The following TAFA1 variants were observed in gnomAD, a reference collection of about 807,000 sequenced individuals.
TAFA1 encodes TAFA chemokine like family member 1, also known as chemokine-like protein TAFA-1.
TAFA1 carries 4 observed loss-of-function variants against 18.5 expected under a neutral mutation model. The observed-to-expected ratio is 0.22, with a 90% CI of 0.11 to 0.49. The LOEUF (loss-of-function observed/expected upper bound fraction) is 0.49, where lower values mean the gene tolerates loss of function less well. Ranked by LOEUF, TAFA1 falls within the 20% of genes least tolerant of loss-of-function variation. The pLI, the probability that TAFA1 is intolerant of heterozygous loss-of-function variation, is 0.98. For synonymous variants in TAFA1, 56 were observed against 55.2 expected (o/e 1.01, Z -0.06); for missense variants, 147 against 169.0 (o/e 0.87, Z 0.72).
intron 2 of TAFA1, among the ~76,000 whole-genome samples, chr3:68,380,013 G>C (rs531328552): frequency 6.6e-6 from 1 of 151,676 alleles, no homozygotes. Flanking sequence ...GAGAACATGC[G>C]GTGTTTGGTT....
At chr3:68,195,154 G>C (rs1245768852) in intron 2 of TAFA1, among the ~76,000 whole-genome samples, 1 of 151,188 alleles carries the variant, frequency 6.6e-6, no homozygotes, top group Non-Finnish European at 1.5e-5. Context: ...GTTCTTTCAA[G>C]CCTTACTCTA....
chr3:68,444,909 A>T, intron 3 of TAFA1, among the ~76,000 whole-genome samples: 1 of 151,132 alleles, frequency 6.6e-6, no homozygotes, highest in East Asian at 1.9e-4. Flanking sequence ...ATTCCTTCTG[A>T]ATGCCACATT....
At chr3:68,528,371 T>C (rs943625642) in intron 3 of TAFA1, among the ~76,000 whole-genome samples, 1 of 152,214 alleles carries the variant, frequency 6.6e-6, no homozygotes, top group Admixed American at 6.5e-5. Flanking sequence ...CTCTATCGCA[T>C]ACCCAAGAGT....
chr3:68,210,149 C>G (rs2066577988), intron 2 of TAFA1, among the ~76,000 whole-genome samples: 1 of 151,970 alleles, frequency 6.6e-6, no homozygotes, highest in Non-Finnish European at 1.5e-5. Flanking sequence ...TTAACACCTT[C>G]CATTTGTTTT....
chr3:68,061,218 A>T (rs1348850589), intron 2 of TAFA1, among the ~76,000 whole-genome samples: 5 of 152,240 alleles, frequency 3.3e-5, no homozygotes, highest in Non-Finnish European at 1.5e-5. Flanking sequence ...TATATCAGCT[A>T]GAAGACTTTG....
chr3:68,304,864 C>T lies in TAFA1; in HGVS notation c.119-112416C>T, dbSNP rs371136023. 9.1e-4 allele frequency among the ~76,000 whole-genome samples: 138 copies of T among 152,038 alleles called. 1 individual carries two copies. The highest frequency in any genetic ancestry group is 2.5e-3 in the African/African-American group (103 of 41,504). ...TGTTTAGTTGGGTGTTTTCATTTTT[C>T]GTGTGTGTTTTAGTGGGCCAGGCAA... On this transcript the variant is annotated intron_variant, in intron 2 of 4. Transcript: ENST00000478136.
intron 2 of TAFA1, among the ~76,000 whole-genome samples, chr3:68,184,496 T>G (rs151161187): frequency 1.0e-3 from 158 of 152,264 alleles, no homozygotes; most frequent in African/African-American, 3.4e-3. Context: ...AGAGAGCTGA[T>G]TTTTATTCTC....
chr3:68,198,743 AGTTT>A, intron 2 of TAFA1, among the ~76,000 whole-genome samples: 1 of 151,446 alleles, frequency 6.6e-6, no homozygotes, highest in Non-Finnish European at 1.5e-5. Context: ...TTGTTTAAAG[AGTTT>A]GTTTTACATT....
chr3:68,107,305 G>T (rs2065214705), intron 2 of TAFA1, among the ~76,000 whole-genome samples: 1 of 152,100 alleles, frequency 6.6e-6, no homozygotes, highest in Non-Finnish European at 1.5e-5. Context: ...CTAGTGAAAT[G>T]AAAACATATT....
chr3:68,188,676 T>C (rs4302389), intron 2 of TAFA1, among the ~76,000 whole-genome samples: 145,015 of 151,864 alleles, frequency 0.95, 69,266 homozygotes, highest in Admixed American at 0.97. Context: ...TTCCATTAGG[T>C]CATTAAGTGT....
chr3:68,144,767 T>C (rs1458172937), intron 2 of TAFA1, among the ~76,000 whole-genome samples: 1 of 152,190 alleles, frequency 6.6e-6, no homozygotes, highest in African/African-American at 2.4e-5. Flanking sequence ...TTTTCTGTAG[T>C]AAAAGTGCAG....
At chr3:68,342,346 G>T (rs1246577676) in intron 2 of TAFA1, among the ~76,000 whole-genome samples, 1 of 152,128 alleles carries the variant, frequency 6.6e-6, no homozygotes. Flanking sequence ...GTCTCATCCT[G>T]CTTAGAACTG....
intron 3 of TAFA1, among the ~76,000 whole-genome samples, chr3:68,437,270 T>C (rs1411003896): frequency 7.5e-6 from 1 of 133,974 alleles, no homozygotes; most frequent in Admixed American, 6.9e-5. Context: ...CACAATAACA[T>C]TGTGCTATTC....
At chr3:68,087,088 T>C (rs1575609597) in intron 2 of TAFA1, among the ~76,000 whole-genome samples, 1 of 152,222 alleles carries the variant, frequency 6.6e-6, no homozygotes, top group South Asian at 2.1e-4. Flanking sequence ...ATTTATGCAT[T>C]GTTCAAATAA....
intron 2 of TAFA1, among the ~76,000 whole-genome samples, chr3:68,036,984 G>C (rs1359747691): frequency 2.6e-5 from 4 of 152,132 alleles, no homozygotes; most frequent in Non-Finnish European, 5.9e-5. Context: ...CCTGCTCTCT[G>C]AGACCCATAG....
At chr3:68,203,162 A>T (rs768756372) in intron 2 of TAFA1, among the ~76,000 whole-genome samples, 2 of 151,754 alleles carry the variant, frequency 1.3e-5, no homozygotes, top group Non-Finnish European at 2.9e-5. Flanking sequence ...GGAAGTTGGT[A>T]TAATTCTTAT....
chr3:68,211,222 A>G (rs1438079531), intron 2 of TAFA1, among the ~76,000 whole-genome samples: 3 of 152,182 alleles, frequency 2.0e-5, no homozygotes, highest in Middle Eastern at 3.4e-3. Context: ...AAGACTGCAC[A>G]AGGGCATGAA....
chr3:68,287,898 T>G (rs1355907404), intron 2 of TAFA1, among the ~76,000 whole-genome samples: 2 of 121,410 alleles, frequency 1.6e-5, no homozygotes, highest in Non-Finnish European at 3.4e-5. Context: ...TTTTGCTTTT[T>G]GTTTTTGTTG....
chr3:68,511,541 G>T (rs1374836015), intron 3 of TAFA1, among the ~76,000 whole-genome samples: 1 of 152,062 alleles, frequency 6.6e-6, no homozygotes, highest in Non-Finnish European at 1.5e-5. Context: ...TAAATACCAT[G>T]AGGTTTTCAT....
Sources: gnomAD v4.1 joint callset for allele counts (sites outside exome capture counted in the v4.1 genomes callset) on GRCh38, gnomAD v4.1.1 for gene constraint, MANE v1.5 for transcripts, NCBI Gene and HGNC (gene_info 2026-07-23, HGNC 2026-07-21) for gene names.